The following ARID2 variants were observed in gnomAD, a reference collection of about 807,000 sequenced individuals.
The protein encoded by ARID2 is AT-rich interactive domain-containing protein 2.
A neutral mutation model predicts 184.6 loss-of-function variants in ARID2; 32 were observed. The ratio of observed to expected loss-of-function variants is 0.17; its 90% CI spans 0.13 to 0.23. The LOEUF is 0.23. ARID2 is among the 10% of genes least tolerant of loss of function. ARID2 has a pLI of 1.00. For synonymous variants in ARID2, 836 were observed against 772.6 expected (o/e 1.08, Z -1.36); for missense variants, 1,696 against 2,197.6 (o/e 0.77, Z 4.56).
At chr12:45,805,752 T>C (rs980615021) in intron 3 of ARID2, among the ~76,000 whole-genome samples, 3 of 152,138 alleles carry the variant, frequency 2.0e-5, no homozygotes, top group Non-Finnish European at 4.4e-5. Context: ...CCTTACCTAG[T>C]TACCCTTTTT....
intron 3 of ARID2, among the ~76,000 whole-genome samples, chr12:45,783,207 CTGAT>C (rs1942130790): frequency 6.6e-6 from 1 of 151,874 alleles, no homozygotes; most frequent in Non-Finnish European, 1.5e-5. Context: ...GGAAAGTAGT[CTGAT>C]TAATTTTGTA....
At chr12:45,772,990 A>G (rs895744656) in intron 3 of ARID2, among the ~76,000 whole-genome samples, 3 of 152,196 alleles carry the variant, frequency 2.0e-5, no homozygotes, top group African/African-American at 4.8e-5. Context: ...AATATTCTCT[A>G]GGAAACACCA....
intron 20 of ARID2, among the ~76,000 whole-genome samples, chr12:45,898,010 G>GT (rs368501287): frequency 1.3e-5 from 2 of 151,928 alleles, no homozygotes; most frequent in African/African-American, 4.8e-5. Flanking sequence ...GTTGTGCAGG[G>GT]TTGTCTTGAA....
intron 16 of ARID2, among the ~76,000 whole-genome samples, chr12:45,864,300 C>T (rs1943799678): frequency 6.6e-6 from 1 of 152,112 alleles, no homozygotes; most frequent in Non-Finnish European, 1.5e-5. Context: ...TATACCACCA[C>T]CACCACCATA....
At chr12:45,793,156 C>T (rs146286644) in intron 3 of ARID2, among the ~76,000 whole-genome samples, 20 of 151,974 alleles carry the variant, frequency 1.3e-4, no homozygotes, top group African/African-American at 4.1e-4. Flanking sequence ...AAAAATTAGC[C>T]GGGTATGCTG....
intron 3 of ARID2, among the ~76,000 whole-genome samples, chr12:45,748,993 A>T (rs554709442): frequency 5.3e-5 from 8 of 152,242 alleles, no homozygotes; most frequent in Non-Finnish European, 1.0e-4. Context: ...CAATGTCTTC[A>T]AAACTGTTAA....
At chr12:45,731,058 C>G (rs780840402) in intron 2 of ARID2, among the ~76,000 whole-genome samples, 159 bp from the exon 3 acceptor site, 37 of 151,882 alleles carry the variant, frequency 2.4e-4, no homozygotes, top group Non-Finnish European at 4.9e-4. Context: ...CACAGTGATT[C>G]AAGAAGCCCT....
At chr12:45,781,039 A>T (rs1220996564) in intron 3 of ARID2, among the ~76,000 whole-genome samples, 1 of 152,112 alleles carries the variant, frequency 6.6e-6, no homozygotes, top group Admixed American at 6.6e-5. Context: ...TTTCAATCTC[A>T]CTAAATCCCC....
chr12:45,812,206 TA>T (rs887414224), intron 4 of ARID2, among the ~76,000 whole-genome samples: 145 of 142,016 alleles, frequency 1.0e-3, no homozygotes, highest in Non-Finnish European at 9.8e-4. Context: ...ACATTTGGCC[TA>T]AAAAAAAAAA....
At chr12:45,888,098 A>G (rs1209825855) in intron 16 of ARID2, among the ~76,000 whole-genome samples, 2 of 151,874 alleles carry the variant, frequency 1.3e-5, no homozygotes, top group East Asian at 1.9e-4. Flanking sequence ...AGGAGGCTGT[A>G]GCAGGAGAAT....
intron 2 of ARID2, among the ~76,000 whole-genome samples, chr12:45,730,361 C>T (rs1197361202): frequency 6.9e-6 from 1 of 145,452 alleles, no homozygotes; most frequent in Non-Finnish European, 1.5e-5. Context: ...GCGGGCGGCC[C>T]GGCGCCGGCT....
intron 3 of ARID2, among the ~76,000 whole-genome samples, chr12:45,763,391 A>G (rs1941715663): frequency 6.6e-6 from 1 of 151,680 alleles, no homozygotes; most frequent in African/African-American, 2.4e-5. Flanking sequence ...AATCACTTGA[A>G]CCCAGGAGGC....
intron 16 of ARID2, among the ~76,000 whole-genome samples, chr12:45,884,644 A>G (rs1944158726): frequency 6.6e-6 from 1 of 152,224 alleles, no homozygotes; most frequent in South Asian, 2.1e-4. Flanking sequence ...TCAAAGAGCA[A>G]ATACAGAAAT....
rs189957760 is a variant in ARID2, at chr12:45,862,161, T to A, written c.4922+1212T>A. ...CCAGTAGTGGGACTGTGGATCATTT[T>A]AGTAGGTTTTTGTTTGTTTTTCTTT... is the stretch of plus-strand genomic sequence containing the variant. On this transcript the variant is annotated intron_variant, in intron 16 of 20. Transcript: ENST00000334344. 5.2e-3 allele frequency among the ~76,000 whole-genome samples: 787 copies of A among 151,328 alleles called. 8 individuals are homozygous for A. Among genetic ancestry groups the A allele is most frequent in the African/African-American group, 0.018 (750 of 41,522 alleles).
At chr12:45,778,249 C>G (rs915148837) in intron 3 of ARID2, among the ~76,000 whole-genome samples, 9 of 152,050 alleles carry the variant, frequency 5.9e-5, no homozygotes, top group Admixed American at 4.6e-4. Flanking sequence ...TGTGTTCCCC[C>G]CCCAACCCGC....
chr12:45,829,494 T>A (rs1047031698), intron 6 of ARID2, among the ~76,000 whole-genome samples: 7 of 152,004 alleles, frequency 4.6e-5, no homozygotes, highest in African/African-American at 1.7e-4. Context: ...CCCTTCTGAG[T>A]ATGTGTTTTT....
Position 45,851,113 on chromosome 12 carries a change from A to T in ARID2, c.2990A>T (p.Gln997Leu), listed in dbSNP as rs781109272. ...TCGTCGTCCTCTACCCCTCAATCAC[A>T]GGGACCACCTCCTACTGTCAGTCAA... Reference protein sequence around the residue: ...AMSSSSTPQSQGPPPTVSQML... With the variant: ...AMSSSSTPQSLGPPPTVSQML... The change falls in exon 15 of 21, where the codon CAG (glutamine) becomes CTG (leucine). Residue 997 changes from glutamine to leucine, a missense_variant. Transcript: ENST00000334344. 1 of 1,614,052 alleles carries T rather than the reference A, an allele frequency of 6.2e-7. No individual in the cohort carries two copies. Among genetic ancestry groups the T allele is most frequent in the African/African-American group, 1.3e-5 (1 of 75,008 alleles).
intron 3 of ARID2, among the ~76,000 whole-genome samples, chr12:45,804,217 C>CT (rs1287262380): frequency 1.3e-5 from 2 of 152,138 alleles, no homozygotes; most frequent in Admixed American, 1.3e-4. Flanking sequence ...ACAAAGGAGT[C>CT]ATAGGAGAGA....
At chr12:45,793,312 T>C (rs983380216) in intron 3 of ARID2, among the ~76,000 whole-genome samples, 1 of 150,550 alleles carries the variant, frequency 6.6e-6, no homozygotes, top group African/African-American at 2.5e-5. Flanking sequence ...AAAAAAAGAC[T>C]TATTTTGTAT....
Sources: allele counts gnomAD v4.1 joint callset (sites outside exome capture counted in the v4.1 genomes callset), GRCh38; gene constraint gnomAD v4.1.1; transcripts MANE v1.5; gene names NCBI Gene and HGNC (gene_info 2026-07-23, HGNC 2026-07-21).